The following ILKAP variants were observed in gnomAD, a reference collection of about 807,000 sequenced individuals.
ILKAP encodes integrin-linked kinase-associated serine/threonine phosphatase 2C.
ILKAP carries 11 observed loss-of-function variants against 49.1 expected under a neutral mutation model. That is an observed-to-expected ratio of 0.22 (90% CI 0.14 to 0.37). The LOEUF (loss-of-function observed/expected upper bound fraction) is 0.37, where lower values mean the gene tolerates loss of function less well. Among genes scored for constraint, ILKAP ranks in the 10% least tolerant of loss-of-function variants. ILKAP has a pLI of 1.00. For missense variants in ILKAP, 363 were observed against 510.8 expected, an observed-to-expected ratio of 0.71 and a Z score of 2.79; for synonymous variants, 186 against 192.8, an observed-to-expected ratio of 0.96 and a Z score of 0.29.
chr2:238,173,591 C>T lies in ILKAP; in HGVS notation c.899G>A (p.Arg300His), dbSNP rs1376867417. The T allele has an allele frequency of 1.2e-6, 2 of 1,614,040 alleles. No homozygotes were observed. The highest frequency in any genetic ancestry group is 1.1e-5 in the South Asian group (1 of 91,086). ...SRSIGDGQYK[R>H]CGVTSVPDIR... ...GTCGGGCACAGAGGTGACACCGCAG[C>T]GCTTGTACTGCCCGTCCCCAATGGA... The change falls in exon 10 of 12, where the codon CGC (arginine) becomes CAC (histidine). Residue 300 changes from arginine (R) to histidine (H), a missense_variant. Physicochemically the swap from Arg to His is conservative, Grantham distance 29. Transcript: ENST00000254654.
At chr2:238,195,259 C>A (rs7558526) in intron 1 of ILKAP, among the ~76,000 whole-genome samples, 129,057 of 152,146 alleles carry the variant, frequency 0.85, 54,966 homozygotes, top group East Asian at 0.99. Flanking sequence ...TTGAGACTTC[C>A]TGATAGACGT....
At chr2:238,175,699 G>A (rs1400763720) in intron 9 of ILKAP, among the ~76,000 whole-genome samples, 1 of 152,198 alleles carries the variant, frequency 6.6e-6, no homozygotes, top group Non-Finnish European at 1.5e-5. Context: ...GATCACCACT[G>A]ATGAAGCTGG....
chr2:238,175,540 C>T (rs1170272642), intron 9 of ILKAP, among the ~76,000 whole-genome samples: 1 of 152,198 alleles, frequency 6.6e-6, no homozygotes, highest in Non-Finnish European at 1.5e-5. Context: ...TGCCTACACT[C>T]AATGCGATGT....
chr2:238,203,628 G>C lies in ILKAP; in HGVS notation c.-75C>G. ...GCAGCGGCCGGGCTCCACACCCCGG[G>C]CGGGCGGCAGCAGCGGGCGGGCGAC... On this transcript the variant is annotated 5_prime_UTR_variant, in exon 1 of 12. Transcript: ENST00000254654. 1.1e-6 allele frequency: 1 copy of C among 935,582 alleles called. No individual in the cohort carries two copies. Among genetic ancestry groups the C allele is most frequent in the African/African-American group, 1.8e-5 (1 of 56,384 alleles). 58.0% of individuals were successfully genotyped at this position (935,582 alleles called of 1,614,324 possible).
intron 10 of ILKAP, among the ~76,000 whole-genome samples, chr2:238,172,122 G>C (rs939446588): frequency 5.9e-5 from 9 of 152,112 alleles, no homozygotes; most frequent in Admixed American, 2.0e-4. Flanking sequence ...GCATGATCTC[G>C]CTCACTGTAA....
intron 3 of ILKAP, 37 bp downstream of exon 3, chr2:238,194,238 A>AGGT: frequency 6.3e-7 from 1 of 1,575,046 alleles, no homozygotes; most frequent in Non-Finnish European, 8.7e-7. Context: ...ACTATGTATT[A>AGGT]TTTCCATCAG....
intron 4 of ILKAP, among the ~76,000 whole-genome samples, chr2:238,188,901 A>C (rs1424517754): frequency 1.3e-5 from 2 of 152,220 alleles, no homozygotes; most frequent in Non-Finnish European, 2.9e-5. Context: ...GGGAAGTGAC[A>C]AGCTAAGTTG....
At chr2:238,193,015 G>A (rs1161705892) in intron 3 of ILKAP, among the ~76,000 whole-genome samples, 1 of 149,006 alleles carries the variant, frequency 6.7e-6, no homozygotes, top group Non-Finnish European at 1.5e-5. Flanking sequence ...TCCGTCTCAA[G>A]AAAAAAAAAA....
At chr2:238,183,408 C>A (rs148158393) in intron 8 of ILKAP, among the ~76,000 whole-genome samples, 5 of 152,108 alleles carry the variant, frequency 3.3e-5, no homozygotes, top group Admixed American at 6.6e-5. Context: ...ACAAAAAAGA[C>A]GGGATCTGGG....
Position 238,203,480 on chromosome 2 carries a change from CG to C in ILKAP, c.55+18del. The C allele has an allele frequency of 8.0e-7, 1 of 1,242,394 alleles. No homozygotes were observed. The highest frequency in any genetic ancestry group is 1.0e-6 in the Non-Finnish European group (1 of 979,860). 77.0% of individuals were successfully genotyped at this position (1,242,394 alleles called of 1,614,324 possible). The stretch of plus-strand genomic sequence containing the variant: ...CCTGCTCTCCCTTCCCTGGCCGGCC[CG>C]GCGGCAACGCCGCTTACCGGCAGCC... On this transcript the variant is annotated intron_variant, in intron 1 of 11. Coordinates refer to ENST00000254654, the MANE Select transcript of ILKAP (RefSeq NM_030768.3).
chr2:238,197,674 C>T (rs1402167272), intron 1 of ILKAP, among the ~76,000 whole-genome samples: 2 of 152,080 alleles, frequency 1.3e-5, no homozygotes, highest in Non-Finnish European at 2.9e-5. Context: ...CAGATGGTGC[C>T]CCAAACTGAG....
At chr2:238,189,775 G>A (rs1694046521) in intron 4 of ILKAP, 78 bp downstream of exon 4, 3 of 1,353,426 alleles carry the variant, frequency 2.2e-6, no homozygotes, top group Non-Finnish European at 3.1e-6. Context: ...AGTATTATTA[G>A]AAAGCTGAAA....
intron 10 of ILKAP, among the ~76,000 whole-genome samples, chr2:238,172,331 C>T (rs1047032437): frequency 6.6e-6 from 1 of 152,218 alleles, no homozygotes; most frequent in African/African-American, 2.4e-5. Context: ...GGATTACAGG[C>T]GTGAGCCACC....
Position 238,171,027 on chromosome 2 carries a change from A to G in ILKAP, c.957-3T>C, listed in dbSNP as rs1387955634. 2 of 1,612,074 alleles carry G rather than the reference A, an allele frequency of 1.2e-6. No homozygotes were observed. Among genetic ancestry groups the G allele is most frequent in the Non-Finnish European group, 1.7e-6 (2 of 1,178,548 alleles). On this transcript the variant is annotated splice_region_variant and splice_polypyrimidine_tract_variant and intron_variant, in intron 10 of 11. Transcript: ENST00000254654. ...CATCACAGGCCAACAAAATGAACCTACAACACCAGGGAGAAATATAAACGG... is the reference window on the plus strand; with the variant it reads ...CATCACAGGCCAACAAAATGAACCTGCAACACCAGGGAGAAATATAAACGG...
At chr2:238,188,881 G>C (rs1574797612) in intron 4 of ILKAP, among the ~76,000 whole-genome samples, 1 of 152,202 alleles carries the variant, frequency 6.6e-6, no homozygotes, top group African/African-American at 2.4e-5. Context: ...ACTGTGAAGA[G>C]CTGTCTTCTG....
Position 238,174,593 on chromosome 2 carries a change from C to T in ILKAP, c.837-940G>A, listed in dbSNP as rs1049756195. On this transcript the variant is annotated intron_variant, in intron 9 of 11. Coordinates refer to ENST00000254654, the MANE Select transcript of ILKAP (RefSeq NM_030768.3). ...ATGGTAGGAAATGCTTCCTGGGCTGCTGTCCTAAAGGCAGAATTCAGCCTG... is the reference window on the plus strand; with the variant it reads ...ATGGTAGGAAATGCTTCCTGGGCTGTTGTCCTAAAGGCAGAATTCAGCCTG... Among the ~76,000 whole-genome samples, 12 of 152,210 alleles carry T rather than the reference C, an allele frequency of 7.9e-5. No homozygotes were observed. In the East Asian group the frequency reaches 9.6e-4, roughly 12 times the overall value.
chr2:238,203,644 G>A lies in ILKAP; in HGVS notation c.-91C>T, dbSNP rs1694674034. 3.9e-6 allele frequency: 3 copies of A among 759,874 alleles called. No homozygotes were observed. Among genetic ancestry groups the A allele is most frequent in the African/African-American group, 1.9e-5 (1 of 53,038 alleles). The allele number at this position is 759,874 out of a possible 1,614,324, so 47.1% of individuals were successfully genotyped here. ...ACACCCCGGGCGGGCGGCAGCAGCG[G>A]GCGGGCGACGGGCAGGGGCGGCCGG... On this transcript the variant is annotated 5_prime_UTR_variant, in exon 1 of 12. Coordinates refer to ENST00000254654, the MANE Select transcript of ILKAP (RefSeq NM_030768.3).
In ILKAP at chr2:238,189,989, A is replaced by C; in HGVS notation, c.179-17T>G. The C allele has an allele frequency of 6.2e-7, 1 of 1,613,240 alleles. No homozygotes were observed. The highest frequency in any genetic ancestry group is 1.1e-5 in the South Asian group (1 of 90,998). On this transcript the variant is annotated splice_polypyrimidine_tract_variant and intron_variant, in intron 3 of 11. Coordinates refer to ENST00000254654, the MANE Select transcript of ILKAP (RefSeq NM_030768.3). ...CAAGAGAACCTGGAAATAAAGTAAA[A>C]GCCAGACAGAAACACAGCTGTAGAC...
chr2:238,178,329 A>T (rs974677817), intron 9 of ILKAP, among the ~76,000 whole-genome samples: 4 of 152,108 alleles, frequency 2.6e-5, no homozygotes, highest in Non-Finnish European at 5.9e-5. Context: ...CCACAGGCGC[A>T]CACCACCAGA....
Sources: allele counts gnomAD v4.1 joint callset (sites outside exome capture counted in the v4.1 genomes callset), GRCh38; gene constraint gnomAD v4.1.1; transcripts MANE v1.5; gene names NCBI Gene and HGNC (gene_info 2026-07-23, HGNC 2026-07-21).